NIPBL: variants seen among roughly 807,000 people sequenced by gnomAD.
NIPBL encodes NIPBL cohesin loading factor, also known as nipped-B-like protein.
In NIPBL, 19 loss-of-function variants were observed where a neutral mutation model predicts 321.8. The observed-to-expected ratio is 0.06, with a 90% confidence interval of 0.04 to 0.09. NIPBL has a LOEUF of 0.09. Ranked by LOEUF, NIPBL falls within the 10% of genes least tolerant of loss-of-function variation. The probability of loss-of-function intolerance (pLI) is 1.00; values close to 1 mark genes in which losing one functional copy is unlikely to be tolerated. For missense variants in NIPBL, 2,210 were observed against 3,327.0 expected (o/e 0.66, Z 8.26); for synonymous variants, 1,106 against 1,114.1 (o/e 0.99, Z 0.14).
intron 1 of NIPBL, among the ~76,000 whole-genome samples, chr5:36,918,454 G>A (rs375662749): frequency 7.2e-5 from 11 of 152,004 alleles, no homozygotes; most frequent in African/African-American, 2.2e-4. Context: ...TAAATATACA[G>A]TCATGTCATC....
At chr5:36,927,261 G>A (rs994963728) in intron 1 of NIPBL, among the ~76,000 whole-genome samples, 2 of 152,076 alleles carry the variant, frequency 1.3e-5, no homozygotes, top group African/African-American at 4.8e-5. Context: ...TTCTCAAGGA[G>A]GATACAGGCA....
In NIPBL at chr5:37,020,550, C is replaced by G; in HGVS notation, c.5102C>G (p.Ser1701Cys). 6.2e-7 allele frequency: 1 copy of G among 1,613,898 alleles called. No homozygotes were observed. The change falls in exon 26 of 47, where the codon TCT becomes TGT. Residue 1701 changes from serine to cysteine, a missense_variant. Physicochemically the swap from Ser to Cys is moderately radical, Grantham distance 112. Coordinates refer to ENST00000282516, the MANE Select transcript of NIPBL (RefSeq NM_133433.4). ...AAATCACAAAAAGATGAAGAATCAT[C>G]TGAAGGAACACATCATGCAAAGGAA... ...AMKSQKDEES[S>C]EGTHHAKEIE...
At chr5:36,964,591 A>C (rs1449535648) in intron 6 of NIPBL, among the ~76,000 whole-genome samples, 1 of 152,158 alleles carries the variant, frequency 6.6e-6, no homozygotes, top group Non-Finnish European at 1.5e-5. Flanking sequence ...GAAAACATTG[A>C]AGAAACACTC....
chr5:37,000,635 A>G (rs1487263370), intron 12 of NIPBL, 65 bp downstream of exon 12: 22 of 1,519,808 alleles, frequency 1.4e-5, no homozygotes, highest in Non-Finnish European at 1.9e-5. Context: ...TTAACTTTGA[A>G]GAATATTTTA....
intron 4 of NIPBL, among the ~76,000 whole-genome samples, chr5:36,960,422 A>G (rs1284597689): frequency 6.6e-6 from 1 of 152,064 alleles, no homozygotes; most frequent in Admixed American, 6.5e-5. Flanking sequence ...AAGCTATTAA[A>G]GCTATGGAGC....
chr5:37,042,698 T>C (rs1223775771), intron 34 of NIPBL, among the ~76,000 whole-genome samples: 3 of 151,114 alleles, frequency 2.0e-5, no homozygotes, highest in Non-Finnish European at 4.4e-5. Context: ...TGCTGGTGCT[T>C]CTCCTTCCAT....
At position 37,020,688 on chromosome 5, in the gene NIPBL, G is replaced by A. The variant is rs1457948587; in HGVS notation, c.5225+15G>A. 3.1e-6 allele frequency: 5 copies of A among 1,609,058 alleles called. No homozygotes were observed. The highest frequency in any genetic ancestry group is 4.3e-6 in the Non-Finnish European group (5 of 1,175,708). ...AGCACATTAAAGTAAGATCCAAGGA[G>A]AAAACAGTTTACATTTATCTCCTTG... On this transcript the variant is annotated intron_variant, in intron 26 of 46. Transcript: ENST00000282516.
chr5:37,015,324 G>A (rs922277265), intron 22 of NIPBL, among the ~76,000 whole-genome samples: 16 of 151,988 alleles, frequency 1.1e-4, no homozygotes, highest in Admixed American at 2.6e-4. Flanking sequence ...GGGTTTCCCC[G>A]TGTTGGTTAG....
chr5:37,006,441 A>G lies in NIPBL; in HGVS notation c.3940A>G (p.Thr1314Ala), dbSNP rs760196234. Residue 1314 changes from threonine to alanine, a missense_variant, in exon 17 of 47, where the codon ACT becomes GCT. Transcript: ENST00000282516. ...AAAATCAGCGGATGCTTGTCTTACA[A>G]CTATCAACATTATGACATCCCCTAA... ...VTKSADACLT[T>A]INIMTSPNMP... is the part of the protein sequence containing the mutation. 8.7e-6 allele frequency: 14 copies of G among 1,612,854 alleles called. No individual in the cohort carries two copies. The highest frequency in any genetic ancestry group is 2.2e-5 in the South Asian group (2 of 91,060).
chr5:36,877,664 TC>T (rs35617549), intron 1 of NIPBL, among the ~76,000 whole-genome samples: 2 of 152,134 alleles, frequency 1.3e-5, no homozygotes, highest in African/African-American at 4.8e-5. Flanking sequence ...CCTCCCTTCT[TC>T]CCCCTGTGAC....
At position 36,995,741 on chromosome 5, in the gene NIPBL, G is replaced by C. The variant is rs764683974; in HGVS notation, c.3241G>C (p.Glu1081Gln). ...CAAACGCAAGCGTAGCACAGTTAAT[G>C]AAAAGCCAAAATATGCTGAAATCAG... is the stretch of plus-strand genomic sequence containing the variant. ...MNKRKRSTVN[E>Q]KPKYAEISSD... The change falls in exon 11 of 47, where the codon GAA becomes CAA. Residue 1081 changes from glutamate (E) to glutamine (Q), a missense_variant. Physicochemically the swap from Glu to Gln is conservative, Grantham distance 29. Transcript: ENST00000282516. 1 of 1,613,848 alleles carries C rather than the reference G, an allele frequency of 6.2e-7. No individual in the cohort carries two copies. Among genetic ancestry groups the C allele is most frequent in the Non-Finnish European group, 8.5e-7 (1 of 1,179,842 alleles).
chr5:37,000,552 C>T lies in NIPBL; in HGVS notation c.3484C>T (p.Pro1162Ser). Residue 1162 changes from proline to serine, a missense_variant, in exon 12 of 47, where the codon CCT (proline) becomes TCT (serine). This residue lies in a region of NIPBL where 381 missense variants were observed against 642.3 expected (regional missense o/e 0.59). Transcript: ENST00000282516. ...TTCTGACATGGAAGATTATTCTCCT[C>T]CTCCCAGCCTTAGTGAGGGTAATTC... ...SDSDMEDYSP[P>S]PSLSEVARKM... 1.2e-6 allele frequency: 2 copies of T among 1,613,274 alleles called. No individual in the cohort carries two copies. The highest frequency in any genetic ancestry group is 8.5e-7 in the Non-Finnish European group (1 of 1,179,448).
intron 38 of NIPBL, 120 bp downstream of exon 38, chr5:37,046,319 T>C (rs1029495234): frequency 1.5e-6 from 1 of 672,840 alleles, no homozygotes; most frequent in South Asian, 1.6e-5. Flanking sequence ...TAGGATTTGG[T>C]GTATAGAATG....
intron 2 of NIPBL, 36 bp from the exon 3 acceptor site, chr5:36,955,436 A>G: frequency 2.6e-6 from 4 of 1,562,878 alleles, no homozygotes; most frequent in Non-Finnish European, 3.5e-6. Context: ...TTCTATAGTC[A>G]CTCAATTTCT....
At chr5:37,029,073 C>T (rs1233391500) in intron 32 of NIPBL, among the ~76,000 whole-genome samples, 1 of 152,046 alleles carries the variant, frequency 6.6e-6, no homozygotes, top group African/African-American at 2.4e-5. Flanking sequence ...AGACAAATAC[C>T]TCATAGGTGG....
At chr5:37,024,368 T>C (rs1481704379) in intron 29 of NIPBL, among the ~76,000 whole-genome samples, 2 of 152,094 alleles carry the variant, frequency 1.3e-5, no homozygotes, top group African/African-American at 4.8e-5. Context: ...AACTATAAAA[T>C]ATGTTTCTAT....
At position 37,014,745 on chromosome 5, in the gene NIPBL, C is replaced by A; in HGVS notation, c.4623C>A (p.Phe1541Leu). 6.2e-7 allele frequency: 1 copy of A among 1,600,524 alleles called. No homozygotes were observed. Among genetic ancestry groups the A allele is most frequent in the South Asian group, 1.1e-5 (1 of 90,798 alleles). The change falls in exon 22 of 47, where the codon TTC becomes TTA. Residue 1541 changes from phenylalanine to leucine, a missense_variant. Physicochemically the swap from Phe to Leu is conservative, Grantham distance 22. Around this residue, in one of 14 missense-constraint regions of NIPBL, gnomAD observed 381 missense variants for 642.3 expected, o/e 0.59. Coordinates refer to ENST00000282516, the MANE Select transcript of NIPBL (RefSeq NM_133433.4). ...YETAMRTAQN[F>L]LSIFLKKCGS... Reference sequence around the variant, plus strand: ...CAGCTATGCGAACAGCCCAAAACTTCCTCTCCATCTTCCTTAAAAAGTGAG... The same window carrying A: ...CAGCTATGCGAACAGCCCAAAACTTACTCTCCATCTTCCTTAAAAAGTGAG...
intron 1 of NIPBL, among the ~76,000 whole-genome samples, chr5:36,935,899 G>GTGTC (rs1291229870): frequency 6.6e-6 from 1 of 152,018 alleles, no homozygotes; most frequent in African/African-American, 2.4e-5. Flanking sequence ...CTCCCTTTGT[G>GTGTC]TGTCTGTCTC....
Position 37,060,611 on chromosome 5 carries a change from C to G in NIPBL, c.7686-233C>G, listed in dbSNP as rs149379146. On this transcript the variant is annotated intron_variant, in intron 44 of 46. Transcript: ENST00000282516. Reference sequence around the variant, plus strand: ...ACAGGTTTATAAACAATCATTCTGGCCACTATATAGAGGATGGATAGGTTG... The same window carrying G: ...ACAGGTTTATAAACAATCATTCTGGGCACTATATAGAGGATGGATAGGTTG... Among the ~76,000 whole-genome samples the G allele has an allele frequency of 4.5e-4, 69 of 152,170 alleles. No individual in the cohort carries two copies. The East Asian group carries it at 0.013, about 28-fold the overall frequency.
Sources: allele counts gnomAD v4.1 joint callset (sites outside exome capture counted in the v4.1 genomes callset), GRCh38; gene constraint gnomAD v4.1.1; regional missense constraint gnomAD v4.1.1; transcripts MANE v1.5; gene names NCBI Gene and HGNC (gene_info 2026-07-23, HGNC 2026-07-21).